The following GBE1 variants were observed in gnomAD, a reference collection of about 807,000 sequenced individuals.
GBE1 encodes 1,4-alpha-glucan-branching enzyme.
A neutral mutation model predicts 88.8 loss-of-function variants in GBE1; 70 were observed. The observed-to-expected ratio is 0.79, with a 90% CI of 0.65 to 0.96. The LOEUF is 0.96. GBE1 is among the 40% of genes least tolerant of loss of function. The pLI is 0.00. For synonymous variants in GBE1, 284 were observed against 300.1 expected (o/e 0.95, Z 0.56); for missense variants, 872 against 871.0 (o/e 1.00, Z -0.01).
At chr3:81,580,826 A>G (rs1241885554) in intron 11 of GBE1, among the ~76,000 whole-genome samples, 2 of 152,082 alleles carry the variant, frequency 1.3e-5, no homozygotes, top group East Asian at 3.9e-4. Flanking sequence ...GACGGAAACT[A>G]AAATAAACCT....
chr3:81,709,780 A>C (rs964692084), intron 1 of GBE1, among the ~76,000 whole-genome samples: 6 of 152,330 alleles, frequency 3.9e-5, no homozygotes, highest in African/African-American at 1.4e-4. Flanking sequence ...ACAGAAATAC[A>C]CATTGTACTT....
chr3:81,587,034 G>A (rs1703812758), intron 9 of GBE1, among the ~76,000 whole-genome samples: 1 of 151,810 alleles, frequency 6.6e-6, no homozygotes, highest in Non-Finnish European at 1.5e-5. Flanking sequence ...GTTCGAGACG[G>A]GAGTCCGAAC....
At chr3:81,493,263 G>T (rs1336280226) in intron 15 of GBE1, among the ~76,000 whole-genome samples, 1 of 152,072 alleles carries the variant, frequency 6.6e-6, no homozygotes, top group Non-Finnish European at 1.5e-5. Context: ...CAGGTAAAAA[G>T]ACCCTGATAA....
chr3:81,697,165 A>C (rs1277713095), intron 2 of GBE1, among the ~76,000 whole-genome samples: 2 of 152,204 alleles, frequency 1.3e-5, no homozygotes, highest in Admixed American at 1.3e-4. Context: ...CTTTGGGTTC[A>C]ATTAGTTTGC....
chr3:81,604,829 T>A (rs963975651), intron 7 of GBE1, among the ~76,000 whole-genome samples: 5 of 152,158 alleles, frequency 3.3e-5, no homozygotes, highest in Non-Finnish European at 7.3e-5. Flanking sequence ...TTCCTCTTCT[T>A]TTCTTCCTTT....
intron 12 of GBE1, among the ~76,000 whole-genome samples, chr3:81,562,866 CTT>C (rs559665731): frequency 7.0e-6 from 1 of 143,568 alleles, no homozygotes. Flanking sequence ...TCACTTTCAT[CTT>C]TTTTTTTTTT....
chr3:81,581,051 G>C (rs1703722154), intron 11 of GBE1, 114 bp downstream of exon 11: 1 of 631,122 alleles, frequency 1.6e-6, no homozygotes, highest in Non-Finnish European at 2.7e-6. Flanking sequence ...ACACATTATA[G>C]TAACTACAGA....
At chr3:81,589,402 T>C (rs952738124) in intron 9 of GBE1, among the ~76,000 whole-genome samples, 1 of 151,476 alleles carries the variant, frequency 6.6e-6, no homozygotes, top group Non-Finnish European at 1.5e-5. Flanking sequence ...AAAAAGTTCA[T>C]GGGGATCAAT....
chr3:81,534,267 A>G (rs1703045306), intron 14 of GBE1, among the ~76,000 whole-genome samples: 1 of 151,954 alleles, frequency 6.6e-6, no homozygotes, highest in African/African-American at 2.4e-5. Flanking sequence ...TTTCCTTTGT[A>G]ATAATTATCA....
At chr3:81,497,592 G>A (rs1023230103) in intron 15 of GBE1, among the ~76,000 whole-genome samples, 3 of 152,138 alleles carry the variant, frequency 2.0e-5, no homozygotes, top group African/African-American at 4.8e-5. Context: ...GTGCCATGGC[G>A]TTTTGTGATC....
chr3:81,710,422 T>C (rs1172734236), intron 1 of GBE1, among the ~76,000 whole-genome samples: 1 of 151,196 alleles, frequency 6.6e-6, no homozygotes, highest in Non-Finnish European at 1.5e-5. Context: ...ATTAATTTTA[T>C]AATTATATTT....
intron 2 of GBE1, among the ~76,000 whole-genome samples, chr3:81,672,860 C>A (rs998206): frequency 0.047 from 7,092 of 151,972 alleles, 475 homozygotes; most frequent in East Asian, 0.34. Flanking sequence ...TCAGGAAACT[C>A]ATTTTATGCC....
chr3:81,512,907 A>G (rs1235360483), intron 14 of GBE1, among the ~76,000 whole-genome samples: 1 of 151,802 alleles, frequency 6.6e-6, no homozygotes, highest in Non-Finnish European at 1.5e-5. Context: ...GACTAATTAA[A>G]TTCTCATAAA....
intron 8 of GBE1, among the ~76,000 whole-genome samples, chr3:81,592,147 G>A (rs547698449): frequency 6.6e-6 from 1 of 152,172 alleles, no homozygotes; most frequent in African/African-American, 2.4e-5. Context: ...GTATGTGTGT[G>A]TGCGCGCGTG....
chr3:81,509,940 T>C (rs1702702925), intron 14 of GBE1, among the ~76,000 whole-genome samples: 1 of 152,058 alleles, frequency 6.6e-6, no homozygotes, highest in South Asian at 2.1e-4. Context: ...TAAATGCATG[T>C]TAGTTGGAAG....
intron 1 of GBE1, among the ~76,000 whole-genome samples, chr3:81,757,570 G>T (rs914538219): frequency 8.5e-5 from 13 of 152,188 alleles, no homozygotes; most frequent in Non-Finnish European, 1.3e-4. Context: ...ATACTTAAAA[G>T]TTAGGGGCTA....
Position 81,537,078 on chromosome 3 carries a change from GATGCCCAA to G in GBE1, c.1628_1635del (p.Phe543SerfsTer2). 1 of 1,539,902 alleles carries G rather than the reference GATGCCCAA, an allele frequency of 6.5e-7. No individual in the cohort carries two copies. Among genetic ancestry groups the G allele is most frequent in the Non-Finnish European group, 8.7e-7 (1 of 1,149,354 alleles). Reference sequence around the variant, plus strand: ...TTTCTTGGGAAGTCTAACCATTCAGGATGCCCAAATTCATTACCTGCATTACAAAACAC... The same window carrying G: ...TTTCTTGGGAAGTCTAACCATTCAGGATTCATTACCTGCATTACAAAACAC... On this transcript the variant is annotated frameshift_variant, in exon 13 of 16. Coordinates refer to ENST00000429644, the MANE Select transcript of GBE1 (RefSeq NM_000158.4). LOFTEE classifies it high-confidence loss of function.
intron 3 of GBE1, 151 bp from the exon 4 acceptor site, chr3:81,650,072 T>A (rs1704823043): frequency 3.6e-6 from 2 of 555,994 alleles, no homozygotes; most frequent in Non-Finnish European, 6.3e-6. Flanking sequence ...GGAACATAAT[T>A]CTATCAATGT....
intron 1 of GBE1, among the ~76,000 whole-genome samples, chr3:81,746,530 G>T (rs1473512800): frequency 1.3e-5 from 2 of 151,710 alleles, no homozygotes; most frequent in African/African-American, 2.4e-5. Flanking sequence ...CAAAGTACTG[G>T]GATTACAAAC....
Sources: gnomAD v4.1 joint callset for allele counts (sites outside exome capture counted in the v4.1 genomes callset) on GRCh38, gnomAD v4.1.1 for gene constraint, MANE v1.5 for transcripts, NCBI Gene and HGNC (gene_info 2026-07-23, HGNC 2026-07-21) for gene names.